CFL1: variants seen among roughly 807,000 people sequenced by gnomAD.
The protein encoded by CFL1 is cofilin-1.
CFL1 carries 2 observed loss-of-function variants against 16.3 expected under a neutral mutation model. The observed-to-expected ratio is 0.12, with a 90% confidence interval of 0.05 to 0.39. CFL1 has a LOEUF of 0.39. Among genes scored for constraint, CFL1 ranks in the 10% least tolerant of loss-of-function variants. The pLI is 0.99. For missense variants in CFL1, 75 were observed against 212.2 expected (o/e 0.35, Z 4.02); for synonymous variants, 111 against 84.4 (o/e 1.31, Z -1.73).
chr11:65,856,442 G>A (rs1033773730), intron 1 of CFL1, 200 bp from the exon 2 acceptor site: 1 of 576,832 alleles, frequency 1.7e-6, no homozygotes. Context: ...TGATCACCTA[G>A]TTCAACAACC....
chr11:65,856,009 G>A lies in CFL1; in HGVS notation c.237C>T (p.Asp79=). 4 of 1,614,164 alleles carry A rather than the reference G, an allele frequency of 2.5e-6. No homozygotes were observed. Among genetic ancestry groups the A allele is most frequent in the Non-Finnish European group, 3.4e-6 (4 of 1,180,038 alleles). The change falls in exon 2 of 4, where the codon GAC becomes GAT. Residue 79 remains aspartate, a synonymous_variant. Transcript: ENST00000308162. The stretch of plus-strand genomic sequence containing the variant: ...TTGCATCATAGAGGGCATAGCGGCA[G>A]TCCTTATCTGGCAGCATCTTGACAA... The part of the protein sequence containing the change: ...ATFVKMLPDK[D]CRYALYDATY...
rs866850114 is a variant in CFL1 at position 65,858,150 on chromosome 11, C to A, written c.-51G>T. 2 of 1,512,384 alleles carry A rather than the reference C, an allele frequency of 1.3e-6. No homozygotes were observed. Among genetic ancestry groups the A allele is most frequent in the South Asian group, 2.5e-5 (2 of 80,622 alleles). 93.7% of individuals were successfully genotyped at this position (1,512,384 alleles called of 1,614,324 possible). A position where few individuals can be genotyped will look rare whatever the true frequency, so the allele number is the denominator to read the frequency against. ...CACCGAGAGCCGCAGAAGACGAGAG[C>A]GCTGCAGCCGCTGCCGGGACCCGAC... is the stretch of plus-strand genomic sequence containing the variant. On this transcript the variant is annotated 5_prime_UTR_variant, in exon 1 of 4. Coordinates refer to ENST00000308162, the MANE Select transcript of CFL1 (RefSeq NM_005507.3).
At chr11:65,857,497 C>G (rs1859409278) in intron 1 of CFL1, 1 of 378,772 alleles carries the variant, frequency 2.6e-6, no homozygotes, top group Non-Finnish European at 5.6e-6. Context: ...CCCCTCCAAG[C>G]CTTGCGGTGC....
intron 2 of CFL1, 95 bp downstream of exon 2, chr11:65,855,839 CT>C: frequency 6.6e-7 from 1 of 1,513,682 alleles, no homozygotes; most frequent in Non-Finnish European, 9.0e-7. Context: ...CCCCCTCCCC[CT>C]CCAAACCCAC....
At chr11:65,856,520 C>G (rs1859388245) in intron 1 of CFL1, 1 of 399,964 alleles carries the variant, frequency 2.5e-6, no homozygotes, top group Admixed American at 4.2e-5. Context: ...AAAATGTGAA[C>G]CCAGAATTAA....
intron 1 of CFL1, 86 bp from the exon 2 acceptor site, chr11:65,856,328 A>G: frequency 7.6e-7 from 1 of 1,310,238 alleles, no homozygotes; most frequent in Non-Finnish European, 1.1e-6. Flanking sequence ...CCACGTCCCG[A>G]GTGGTCACTA....
Position 65,855,277 on chromosome 11 carries a change from C to CA in CFL1, c.*58dup. 6.9e-7 allele frequency: 1 copy of CA among 1,450,024 alleles called. No homozygotes were observed. Among genetic ancestry groups the CA allele is most frequent in the Non-Finnish European group, 9.7e-7 (1 of 1,034,704 alleles). The allele number at this position is 1,450,024 out of a possible 1,614,324, so 89.8% of individuals were successfully genotyped here. ...GGTCTGGCAGGAAGGGGGCAGCCTGCAACCCCCAAGGGCAGGTGTGGGGCT... is the reference window on the plus strand; with the variant it reads ...GGTCTGGCAGGAAGGGGGCAGCCTGCAAACCCCCAAGGGCAGGTGTGGGGCT... On this transcript the variant is annotated 3_prime_UTR_variant, in exon 4 of 4. Coordinates refer to ENST00000308162, the MANE Select transcript of CFL1 (RefSeq NM_005507.3).
rs776602377 is a variant in CFL1, at chr11:65,855,765, AC to A, written c.312-36del. The A allele has an allele frequency of 3.0e-5, 46 of 1,526,662 alleles. No homozygotes were observed. In the East Asian group the frequency reaches 1.0e-3, roughly 34 times the overall value. 94.6% of individuals were successfully genotyped at this position (1,526,662 alleles called of 1,614,324 possible). ...AACACGCGTCAGGCAACTCCCAGCA[AC>A]AGCAAAGCCACAGGTGACTTTGAGA... On this transcript the variant is annotated intron_variant, in intron 2 of 3. Transcript: ENST00000308162.
rs1051178371 is a variant in CFL1 at position 65,854,825 on chromosome 11, T to G, written c.*511A>C. On this transcript the variant is annotated 3_prime_UTR_variant, in exon 4 of 4. Transcript: ENST00000308162. Reference sequence around the variant, plus strand: ...ATTAATGAGCCTTTTTATTATTGTCTTTTTTTTTTTTAATCGAAGGTCCCT... The same window carrying G: ...ATTAATGAGCCTTTTTATTATTGTCGTTTTTTTTTTTAATCGAAGGTCCCT... 5 of 131,474 alleles carry G rather than the reference T, an allele frequency of 3.8e-5. No individual in the cohort carries two copies. 8.1% of individuals were successfully genotyped at this position (131,474 alleles called of 1,614,324 possible). A position where few individuals can be genotyped will look rare whatever the true frequency, so the allele number is the denominator to read the frequency against.
At chr11:65,857,504 G>A (rs996989300) in intron 1 of CFL1, 2 of 342,700 alleles carry the variant, frequency 5.8e-6, no homozygotes, top group Admixed American at 3.2e-5. Context: ...AAGCCTTGCG[G>A]TGCAAGGCCT....
chr11:65,856,195 G>A lies in CFL1; in HGVS notation c.51C>T (p.Asp17=), dbSNP rs1252236995. ...GCGTTGAAGACTTACGCACCTTCAT[G>A]TCGTTGAACACCTTGATGACACCAT... ...VSDGVIKVFN[D]MKVRKSSTPE... Residue 17 remains aspartate, a synonymous_variant, in exon 2 of 4, where the codon GAC becomes GAT. Transcript: ENST00000308162. 15 of 1,614,022 alleles carry A rather than the reference G, an allele frequency of 9.3e-6. No individual in the cohort carries two copies. Among genetic ancestry groups the A allele is most frequent in the African/African-American group, 1.3e-5 (1 of 74,886 alleles).
rs1310209931 is a variant in CFL1 at position 65,854,713 on chromosome 11, G to GA, written c.*622dup. On this transcript the variant is annotated 3_prime_UTR_variant, in exon 4 of 4. Transcript: ENST00000308162. ...GGTGTGCAGGGGCTGGTTGGGTGTG[G>GA]AGTACAGAGGAGAGAGATAGCACCA... 1 of 152,490 alleles carries GA rather than the reference G, an allele frequency of 6.6e-6. No homozygotes were observed. The highest frequency in any genetic ancestry group is 1.5e-5 in the Non-Finnish European group (1 of 68,264). 9.4% of individuals were successfully genotyped at this position (152,490 alleles called of 1,614,324 possible).
At position 65,855,967 on chromosome 11, in the gene CFL1, C is replaced by T; in HGVS notation, c.279G>A (p.Glu93=). ...TAAACACCAGATCCTCCTTCTTGCTCTCCTTGGTCTCATAGGTTGCATCAT... is the reference window on the plus strand; with the variant it reads ...TAAACACCAGATCCTCCTTCTTGCTTTCCTTGGTCTCATAGGTTGCATCAT... ...ALYDATYETK[E]SKKEDLVFIF... Residue 93 remains glutamate (E), a synonymous_variant, in exon 2 of 4, where the codon GAG becomes GAA. Transcript: ENST00000308162. The T allele has an allele frequency of 6.2e-7, 1 of 1,613,556 alleles. No homozygotes were observed. The highest frequency in any genetic ancestry group is 1.1e-5 in the South Asian group (1 of 91,066).
At chr11:65,857,448 T>G (rs767753068) in intron 1 of CFL1, 1 of 430,160 alleles carries the variant, frequency 2.3e-6, no homozygotes, top group Non-Finnish European at 4.7e-6. Context: ...ACGCAGCTCG[T>G]TAGATGCGCT....
intron 1 of CFL1, chr11:65,856,696 C>T (rs935729528): frequency 2.1e-5 from 4 of 188,814 alleles, no homozygotes; most frequent in Non-Finnish European, 4.5e-5. Context: ...ACCCCAAGGA[C>T]ACCGAACAGT....
rs1230995205 is a variant in CFL1 at position 65,855,640 on chromosome 11, AT to A, written c.388+13del. On this transcript the variant is annotated intron_variant, in intron 3 of 3. Coordinates refer to ENST00000308162, the MANE Select transcript of CFL1 (RefSeq NM_005507.3). The stretch of plus-strand genomic sequence containing the variant: ...CAGAGCAGAAGGGCACTCAGCACCA[AT>A]GCTGGCCCTTACCTGTCAGCTTCTT... 1 of 1,565,346 alleles carries A rather than the reference AT, an allele frequency of 6.4e-7. No individual in the cohort carries two copies. Among genetic ancestry groups the A allele is most frequent in the Admixed American group, 1.9e-5 (1 of 53,372 alleles).
intron 1 of CFL1, chr11:65,857,868 C>G (rs1040804132): frequency 3.1e-6 from 1 of 324,210 alleles, no homozygotes. Context: ...GGCGCACCAG[C>G]GGGTGGGGGA....
Position 65,854,872 on chromosome 11 carries a change from T to C in CFL1, c.*464A>G, listed in dbSNP as rs1859349367. 1 of 154,084 alleles carries C rather than the reference T, an allele frequency of 6.5e-6. No individual in the cohort carries two copies. The highest frequency in any genetic ancestry group is 2.4e-5 in the African/African-American group (1 of 41,144). 9.5% of individuals were successfully genotyped at this position (154,084 alleles called of 1,614,324 possible). A position where few individuals can be genotyped will look rare whatever the true frequency, so the allele number is the denominator to read the frequency against. On this transcript the variant is annotated 3_prime_UTR_variant, in exon 4 of 4. Transcript: ENST00000308162. ...CCCTTACTGGTCCTGCTTCCATGAG[T>C]AGCCGTGACCAGGGGAAAAGGGAGA...
chr11:65,857,124 G>GC (rs1375618225), intron 1 of CFL1: 2 of 157,590 alleles, frequency 1.3e-5, no homozygotes, highest in Admixed American at 1.3e-4. Context: ...AGAGGCAGCA[G>GC]CATCTCCAGG....
Sources: allele counts gnomAD v4.1 joint callset, GRCh38; gene constraint gnomAD v4.1.1; transcripts MANE v1.5; gene names NCBI Gene and HGNC (gene_info 2026-07-23, HGNC 2026-07-21).